The following SIAH3 variants were observed in gnomAD, a reference collection of about 807,000 sequenced individuals.
The protein encoded by SIAH3 is seven in absentia homolog 3.
Under a neutral mutation model 12.6 loss-of-function variants are expected in SIAH3, and 9 were observed. The observed-to-expected ratio is 0.72, with a 90% CI of 0.43 to 1.25. SIAH3 has a LOEUF of 1.25. SIAH3 is among the 50% of genes most tolerant of loss of function. SIAH3 has a pLI of 0.00. For missense variants in SIAH3, 390 were observed against 365.4 expected (o/e 1.07, Z -0.55); for synonymous variants, 154 against 151.1 (o/e 1.02, Z -0.14).
At chr13:45,841,184 T>C (rs1029226708) in intron 1 of SIAH3, among the ~76,000 whole-genome samples, 6 of 152,206 alleles carry the variant, frequency 3.9e-5, no homozygotes, top group African/African-American at 1.4e-4. Flanking sequence ...TGCCCTGGAC[T>C]CCCTGTCACA....
chr13:45,849,751 T>G (rs1033354402), intron 1 of SIAH3, among the ~76,000 whole-genome samples: 2 of 152,150 alleles, frequency 1.3e-5, no homozygotes, highest in African/African-American at 4.8e-5. Context: ...CCTTAACACC[T>G]CTCTATTCTC....
intron 1 of SIAH3, among the ~76,000 whole-genome samples, chr13:45,819,174 A>G (rs1252593296): frequency 6.6e-6 from 1 of 152,188 alleles, no homozygotes; most frequent in East Asian, 1.9e-4. Flanking sequence ...AAGTCAAAGG[A>G]GCCTGATCCC....
At chr13:45,819,589 G>A (rs1950648040) in intron 1 of SIAH3, among the ~76,000 whole-genome samples, 1 of 152,198 alleles carries the variant, frequency 6.6e-6, no homozygotes, top group Admixed American at 6.5e-5. Context: ...TATTTAGGAG[G>A]AACATAATTA....
intron 1 of SIAH3, among the ~76,000 whole-genome samples, chr13:45,839,207 A>G (rs1451311069): frequency 6.7e-6 from 1 of 149,924 alleles, no homozygotes; most frequent in Non-Finnish European, 1.5e-5. Flanking sequence ...TTGTATAAAA[A>G]GACTTCTTTC....
At chr13:45,837,678 G>A (rs1391258764) in intron 1 of SIAH3, among the ~76,000 whole-genome samples, 2 of 152,168 alleles carry the variant, frequency 1.3e-5, no homozygotes, top group Admixed American at 6.5e-5. Flanking sequence ...AAGAACTACC[G>A]TGTGCCAGGA....
chr13:45,833,634 T>C (rs1383150589), intron 1 of SIAH3, among the ~76,000 whole-genome samples: 1 of 152,218 alleles, frequency 6.6e-6, no homozygotes, highest in Non-Finnish European at 1.5e-5. Context: ...CCTTGTCAGA[T>C]ATTTTCTCAT....
chr13:45,795,634 A>G (rs2137554389), intron 1 of SIAH3, among the ~76,000 whole-genome samples: 1 of 152,298 alleles, frequency 6.6e-6, no homozygotes, highest in South Asian at 2.1e-4. Flanking sequence ...CTGACCCAGG[A>G]GTCTCGTGTC....
intron 1 of SIAH3, among the ~76,000 whole-genome samples, chr13:45,816,079 G>A (rs974020387): frequency 1.6e-4 from 24 of 152,336 alleles, no homozygotes; most frequent in African/African-American, 5.5e-4. Flanking sequence ...ATGCTCAGGC[G>A]CACACAGGCA....
chr13:45,791,923 C>G (rs1950546894), intron 1 of SIAH3, among the ~76,000 whole-genome samples: 2 of 152,142 alleles, frequency 1.3e-5, no homozygotes, highest in South Asian at 4.2e-4. Flanking sequence ...ACTTCCTTAT[C>G]CATTTTCTGT....
At chr13:45,789,932 A>G (rs1489659766) in intron 1 of SIAH3, among the ~76,000 whole-genome samples, 1 of 152,198 alleles carries the variant, frequency 6.6e-6, no homozygotes, top group Non-Finnish European at 1.5e-5. Flanking sequence ...TAATCAGCAT[A>G]ATAGATGCTA....
chr13:45,822,520 A>AATTTATATATATATATATAT (rs1950659206), intron 1 of SIAH3, among the ~76,000 whole-genome samples: 2 of 85,420 alleles, frequency 2.3e-5, no homozygotes, highest in African/African-American at 8.9e-5. Flanking sequence ...TTCATTATCA[A>AATTTATATATATATATATAT]ATATATATAT....
chr13:45,806,701 T>G (rs1950599781), intron 1 of SIAH3, among the ~76,000 whole-genome samples: 1 of 152,082 alleles, frequency 6.6e-6, no homozygotes, highest in African/African-American at 2.4e-5. Flanking sequence ...ACCTGCACAT[T>G]TACCCCCTAA....
At chr13:45,847,976 G>A (rs1950766367) in intron 1 of SIAH3, among the ~76,000 whole-genome samples, 1 of 152,124 alleles carries the variant, frequency 6.6e-6, no homozygotes, top group Non-Finnish European at 1.5e-5. Context: ...GGCAAAAGAA[G>A]GCAGGGCTGC....
At position 45,779,698 on chromosome 13, in the gene SIAH3, GATCTACT is replaced by G. The variant is rs1181827466; in HGVS notation, c.*3678_*3684del. Reference sequence around the variant, plus strand: ...GCTAAGGTTGTTATGGGGATTACATGATCTACTATATTCAAAGTACGCAGCCTACTGG... The same window carrying G: ...GCTAAGGTTGTTATGGGGATTACATGATATTCAAAGTACGCAGCCTACTGG... On this transcript the variant is annotated 3_prime_UTR_variant, in exon 2 of 2. Transcript: ENST00000400405. 6.6e-6 allele frequency: 1 copy of G among 152,180 alleles called. No individual in the cohort carries two copies. Among genetic ancestry groups the G allele is most frequent in the African/African-American group, 2.4e-5 (1 of 41,422 alleles). 9.4% of individuals were successfully genotyped at this position (152,180 alleles called of 1,614,324 possible). A position where few individuals can be genotyped will look rare whatever the true frequency, so the allele number is the denominator to read the frequency against.
chr13:45,832,564 C>G (rs1426988412), intron 1 of SIAH3, among the ~76,000 whole-genome samples: 1 of 152,150 alleles, frequency 6.6e-6, no homozygotes, highest in African/African-American at 2.4e-5. Flanking sequence ...ATGTATCTGC[C>G]ACATTTGTTT....
At chr13:45,794,184 C>A (rs2137553551) in intron 1 of SIAH3, among the ~76,000 whole-genome samples, 1 of 152,086 alleles carries the variant, frequency 6.6e-6, no homozygotes, top group East Asian at 1.9e-4. Flanking sequence ...CCTCCACCTC[C>A]TGGGTTCAAG....
At chr13:45,841,794 C>T (rs944623952) in intron 1 of SIAH3, among the ~76,000 whole-genome samples, 18 of 152,184 alleles carry the variant, frequency 1.2e-4, no homozygotes, top group Admixed American at 5.2e-4. Context: ...TTTGGAGCCT[C>T]ATCCCTGTCC....
chr13:45,801,281 G>C (rs543319597), intron 1 of SIAH3, among the ~76,000 whole-genome samples: 2 of 152,314 alleles, frequency 1.3e-5, no homozygotes, highest in South Asian at 4.1e-4. Context: ...ACTTGAAATG[G>C]GTCAGAAACA....
chr13:45,785,199 G>A lies in SIAH3; in HGVS notation c.136-1142C>T, dbSNP rs754302186. Among the ~76,000 whole-genome samples the A allele has an allele frequency of 4.8e-4, 73 of 152,166 alleles. 1 individual carries two copies. Among genetic ancestry groups the A allele is most frequent in the Non-Finnish European group, 1.8e-4 (12 of 67,992 alleles). On this transcript the variant is annotated intron_variant, in intron 1 of 1. Coordinates refer to ENST00000400405, the MANE Select transcript of SIAH3 (RefSeq NM_198849.3). ...TCCGTTTCCTGACTCCTTCTTTTCC[G>A]TAATTAGCCTGCATGGTCTAGGTCA...
Sources: allele counts gnomAD v4.1 joint callset (sites outside exome capture counted in the v4.1 genomes callset), GRCh38; gene constraint gnomAD v4.1.1; transcripts MANE v1.5; gene names NCBI Gene and HGNC (gene_info 2026-07-23, HGNC 2026-07-21).